Variants in KCNJ6 observed in about 807,000 individuals in gnomAD.
KCNJ6 encodes potassium inwardly rectifying channel subfamily J member 6.
Under a neutral mutation model 34.2 loss-of-function variants are expected in KCNJ6, and 9 were observed. That is an observed-to-expected ratio of 0.26 (90% CI 0.16 to 0.46). KCNJ6 has a LOEUF of 0.46. KCNJ6 is among the 20% of genes least tolerant of loss of function. The pLI is 1.00. For synonymous variants in KCNJ6, 196 were observed against 207.1 expected (o/e 0.95, Z 0.46); for missense variants, 236 against 531.3 (o/e 0.44, Z 5.46).
chr21:37,902,528 AAT>A (rs2123646463), intron 1 of KCNJ6, among the ~76,000 whole-genome samples: 1 of 152,356 alleles, frequency 6.6e-6, no homozygotes, highest in East Asian at 1.9e-4. Context: ...CAATAGTTTT[AAT>A]AGTTTCTGGT....
rs1156939747 is a variant in KCNJ6, at chr21:37,615,244, C to CTTTTTTTTTTTTTT, written c.*9901_*9914dup. ...ACCCTCGACTGACATTCCCAGCATT[C>CTTTTTTTTTTTTTT]TTTTTTTTTTTTTTTTTTTTTTTTT... is the stretch of plus-strand genomic sequence containing the variant. On this transcript the variant is annotated 3_prime_UTR_variant, in exon 4 of 4. Coordinates refer to ENST00000609713, the MANE Select transcript of KCNJ6 (RefSeq NM_002240.5). 1 of 98,890 alleles carries CTTTTTTTTTTTTTT rather than the reference C, an allele frequency of 1.0e-5. No homozygotes were observed. Among genetic ancestry groups the CTTTTTTTTTTTTTT allele is most frequent in the African/African-American group, 4.0e-5 (1 of 25,164 alleles). The allele number at this position is 98,890 out of a possible 1,614,324, so 6.1% of individuals were successfully genotyped here.
rs2054235737 is a variant in KCNJ6 at position 37,609,625 on chromosome 21, T to C, written c.*15534A>G. ...GCCACTATTTTCCATTACTGGTATATAACTAAAATAAAGCAGTAGTGCTAC... is the reference window on the plus strand; with the variant it reads ...GCCACTATTTTCCATTACTGGTATACAACTAAAATAAAGCAGTAGTGCTAC... On this transcript the variant is annotated 3_prime_UTR_variant, in exon 4 of 4. Coordinates refer to ENST00000609713, the MANE Select transcript of KCNJ6 (RefSeq NM_002240.5). 1 of 152,212 alleles carries C rather than the reference T, an allele frequency of 6.6e-6. No homozygotes were observed. The highest frequency in any genetic ancestry group is 2.1e-4 in the South Asian group (1 of 4,830). 9.4% of individuals were successfully genotyped at this position (152,212 alleles called of 1,614,324 possible).
At chr21:37,693,924 CA>C (rs745474362) in intron 3 of KCNJ6, among the ~76,000 whole-genome samples, 21 of 69,134 alleles carry the variant, frequency 3.0e-4, no homozygotes, top group African/African-American at 3.4e-4. Flanking sequence ...AATTATTTAC[CA>C]TTTTTTTTTT....
At chr21:37,880,520 G>C (rs1601514672) in intron 1 of KCNJ6, among the ~76,000 whole-genome samples, 1 of 152,234 alleles carries the variant, frequency 6.6e-6, no homozygotes, top group Non-Finnish European at 1.5e-5. Context: ...AAGAAGTCCT[G>C]ATTGATAAAA....
At position 37,612,284 on chromosome 21, in the gene KCNJ6, T is replaced by C. The variant is rs2054245347; in HGVS notation, c.*12875A>G. ...ATTAGTATCCCTTGAAATGAAGTAC[T>C]TAAGGTATAAATCTAACAATATGTA... On this transcript the variant is annotated 3_prime_UTR_variant, in exon 4 of 4. Transcript: ENST00000609713. 1 of 152,168 alleles carries C rather than the reference T, an allele frequency of 6.6e-6. No individual in the cohort carries two copies. Among genetic ancestry groups the C allele is most frequent in the Admixed American group, 6.5e-5 (1 of 15,284 alleles). The allele number at this position is 152,168 out of a possible 1,614,324, so 9.4% of individuals were successfully genotyped here.
intron 3 of KCNJ6, among the ~76,000 whole-genome samples, chr21:37,696,050 T>C (rs1211997902): frequency 6.6e-6 from 1 of 152,198 alleles, no homozygotes; most frequent in African/African-American, 2.4e-5. Context: ...CTGATATAGA[T>C]AGATCAATAG....
At chr21:37,822,866 C>T (rs1159042405) in intron 2 of KCNJ6, among the ~76,000 whole-genome samples, 3 of 152,100 alleles carry the variant, frequency 2.0e-5, no homozygotes, top group South Asian at 4.2e-4. Context: ...GACACCAAAA[C>T]GGGGGACTCG....
chr21:37,748,165 T>C (rs1482779108), intron 2 of KCNJ6, among the ~76,000 whole-genome samples: 1 of 152,142 alleles, frequency 6.6e-6, no homozygotes, highest in East Asian at 1.9e-4. Context: ...TGTCCCTCAA[T>C]AATGGTGGAT....
chr21:37,698,770 T>A (rs1394427503), intron 3 of KCNJ6, among the ~76,000 whole-genome samples: 1 of 152,064 alleles, frequency 6.6e-6, no homozygotes, highest in East Asian at 1.9e-4. Context: ...GATCTTGGCT[T>A]ACTGTAATCT....
At chr21:37,735,473 A>G (rs1168740334) in intron 2 of KCNJ6, among the ~76,000 whole-genome samples, 1 of 152,132 alleles carries the variant, frequency 6.6e-6, no homozygotes, top group Non-Finnish European at 1.5e-5. Flanking sequence ...TAGGCTCTGA[A>G]TGTGTTCTGC....
At chr21:37,801,141 C>A (rs1457883485) in intron 2 of KCNJ6, among the ~76,000 whole-genome samples, 3 of 152,196 alleles carry the variant, frequency 2.0e-5, no homozygotes, top group Non-Finnish European at 4.4e-5. Context: ...GATTTTTGAA[C>A]CCAACCCTTT....
At chr21:37,681,054 G>A (rs199525339) in intron 3 of KCNJ6, among the ~76,000 whole-genome samples, 10 of 152,188 alleles carry the variant, frequency 6.6e-5, no homozygotes, top group Admixed American at 5.9e-4. Context: ...AGGACACTGG[G>A]CCTGAGGATC....
intron 1 of KCNJ6, among the ~76,000 whole-genome samples, chr21:37,894,618 C>T (rs1052651036): frequency 7.2e-5 from 11 of 151,888 alleles, no homozygotes; most frequent in South Asian, 2.1e-4. Context: ...GAGCTGAGTT[C>T]GTGCCACTGC....
chr21:37,845,321 T>G (rs1220425702), intron 1 of KCNJ6, among the ~76,000 whole-genome samples: 1 of 152,226 alleles, frequency 6.6e-6, no homozygotes, highest in East Asian at 1.9e-4. Context: ...GAAAAGAACT[T>G]ACTTTGGCCT....
At chr21:37,891,976 G>T (rs2055764385) in intron 1 of KCNJ6, among the ~76,000 whole-genome samples, 1 of 152,130 alleles carries the variant, frequency 6.6e-6, no homozygotes, top group African/African-American at 2.4e-5. Flanking sequence ...ATGATTCTTG[G>T]CAATAAGAAG....
intron 2 of KCNJ6, among the ~76,000 whole-genome samples, chr21:37,761,359 AGTGTGTGTGTATATTT>A (rs1179282149): frequency 1.4e-5 from 2 of 143,416 alleles, no homozygotes; most frequent in African/African-American, 5.3e-5. Context: ...TGTTGTATGT[AGTGTGTGTGTATATTT>A]GTGTGTGTTG....
chr21:37,830,672 G>C (rs1488510212), intron 2 of KCNJ6, among the ~76,000 whole-genome samples: 5 of 152,136 alleles, frequency 3.3e-5, no homozygotes, highest in African/African-American at 1.2e-4. Context: ...TACCAACCAA[G>C]TAAGGGACAT....
intron 1 of KCNJ6, among the ~76,000 whole-genome samples, chr21:37,880,057 G>A (rs959845130): frequency 1.3e-5 from 2 of 150,234 alleles, no homozygotes; most frequent in East Asian, 2.0e-4. Context: ...TCAGGAAGTC[G>A]AGACCAGCCT....
intron 2 of KCNJ6, among the ~76,000 whole-genome samples, chr21:37,725,470 G>T (rs1352692961): frequency 6.6e-6 from 1 of 152,184 alleles, no homozygotes; most frequent in Non-Finnish European, 1.5e-5. Context: ...GATAAACTTT[G>T]TTACCCTAAG....
Sources: allele counts gnomAD v4.1 joint callset (sites outside exome capture counted in the v4.1 genomes callset), GRCh38; gene constraint gnomAD v4.1.1; transcripts MANE v1.5; gene names NCBI Gene and HGNC (gene_info 2026-07-23, HGNC 2026-07-21).